The following GPC5 variants were observed in gnomAD, a reference collection of about 807,000 sequenced individuals.
GPC5 encodes glypican 5, also known as glypican-5.
In GPC5, 47 loss-of-function variants were observed where a neutral mutation model predicts 53.9. That is an observed-to-expected ratio of 0.87 (90% CI 0.69 to 1.11). The LOEUF (loss-of-function observed/expected upper bound fraction) is 1.11. GPC5 is among the 50% of genes most tolerant of loss of function. The probability of loss-of-function intolerance (pLI) is 0.00; values close to 1 mark genes in which losing one functional copy is unlikely to be tolerated. For synonymous variants in GPC5, 286 were observed against 263.3 expected, an observed-to-expected ratio of 1.09 and a Z score of -0.84; for missense variants, 748 against 713.1, an observed-to-expected ratio of 1.05 and a Z score of -0.56.
At chr13:92,628,264 C>CTTTCTTTTTTTTTTTTTT (rs1885115304) in intron 7 of GPC5, among the ~76,000 whole-genome samples, 1 of 45,338 alleles carries the variant, frequency 2.2e-5, no homozygotes, top group Non-Finnish European at 4.3e-5. Flanking sequence ...CTTTTTCTTT[C>CTTTCTTTTTTTTTTTTTT]TTTTTTTTTT....
chr13:92,404,786 T>A (rs1875721234), intron 7 of GPC5, among the ~76,000 whole-genome samples: 1 of 149,764 alleles, frequency 6.7e-6, no homozygotes, highest in African/African-American at 2.5e-5. Flanking sequence ...CCGAGATAGC[T>A]CAACAGAAGG....
chr13:92,826,022 C>T (rs1877836573), intron 7 of GPC5, among the ~76,000 whole-genome samples: 1 of 152,072 alleles, frequency 6.6e-6, no homozygotes, highest in Non-Finnish European at 1.5e-5. Context: ...GACAATGCTC[C>T]AGTGAATATT....
At chr13:91,858,130 A>G (rs907974679) in intron 5 of GPC5, among the ~76,000 whole-genome samples, 4 of 151,594 alleles carry the variant, frequency 2.6e-5, no homozygotes, top group African/African-American at 9.7e-5. Context: ...TTTATTTCCA[A>G]TTTGCATGTC....
intron 2 of GPC5, among the ~76,000 whole-genome samples, chr13:91,532,965 T>C (rs1014518126): frequency 6.6e-6 from 1 of 152,206 alleles, no homozygotes; most frequent in African/African-American, 2.4e-5. Flanking sequence ...GTTCTCATTG[T>C]AAATTCAGTT....
chr13:92,201,954 G>A (rs1459294560), intron 7 of GPC5, among the ~76,000 whole-genome samples: 1 of 152,120 alleles, frequency 6.6e-6, no homozygotes, highest in Non-Finnish European at 1.5e-5. Flanking sequence ...TGTTACAATA[G>A]TAATCAGATT....
intron 7 of GPC5, chr13:92,705,864 T>C (rs1228358949): frequency 6.6e-6 from 1 of 151,646 alleles, no homozygotes; most frequent in Non-Finnish European, 1.5e-5. Context: ...GGCAGGAGGA[T>C]TGGTTGAGCT....
chr13:92,718,376 G>T (rs1888399992), intron 7 of GPC5, among the ~76,000 whole-genome samples: 1 of 152,144 alleles, frequency 6.6e-6, no homozygotes, highest in South Asian at 2.1e-4. Flanking sequence ...GCCACAAAAA[G>T]AATGAGATCC....
rs1433899218 is a variant in GPC5 at position 92,644,147 on chromosome 13, A to G, written c.1562-222135A>G. Among the ~76,000 whole-genome samples, 8 of 152,162 alleles carry G rather than the reference A, an allele frequency of 5.3e-5. No individual in the cohort carries two copies. The East Asian group carries it at 7.7e-4, about 15-fold the overall frequency. On this transcript the variant is annotated intron_variant, in intron 7 of 7. Transcript: ENST00000377067. ...AAGTGTGCACTGAAAGCTTGAAGCA[A>G]TCTCATCTAGTGTTTAAGAAGAAGG...
chr13:92,532,990 A>G (rs2138990240), intron 7 of GPC5, among the ~76,000 whole-genome samples: 1 of 152,308 alleles, frequency 6.6e-6, no homozygotes, highest in Middle Eastern at 3.4e-3. Context: ...AATCCTTTCT[A>G]TATGACAGTC....
intron 6 of GPC5, among the ~76,000 whole-genome samples, chr13:91,945,374 C>T (rs1257971672): frequency 1.3e-5 from 2 of 152,154 alleles, no homozygotes; most frequent in Non-Finnish European, 2.9e-5. Context: ...CTTCCCCATG[C>T]TCTTGTATTT....
chr13:92,592,868 C>T (rs778822761), intron 7 of GPC5, among the ~76,000 whole-genome samples: 14 of 150,624 alleles, frequency 9.3e-5, no homozygotes, highest in Non-Finnish European at 1.5e-4. Context: ...GAGGGATGGG[C>T]GATGTGCATG....
At chr13:91,918,211 C>G (rs1400213677) in intron 6 of GPC5, among the ~76,000 whole-genome samples, 2 of 152,188 alleles carry the variant, frequency 1.3e-5, no homozygotes, top group African/African-American at 2.4e-5. Flanking sequence ...GACTCACTCA[C>G]TATCACAAGA....
chr13:91,904,796 A>G (rs2039536053), intron 5 of GPC5, among the ~76,000 whole-genome samples: 1 of 152,054 alleles, frequency 6.6e-6, no homozygotes, highest in African/African-American at 2.4e-5. Flanking sequence ...TAGAGTGAAG[A>G]AAAGAGGAAA....
chr13:91,794,146 T>C (rs1184351313), intron 5 of GPC5, among the ~76,000 whole-genome samples: 2 of 152,196 alleles, frequency 1.3e-5, no homozygotes, highest in Admixed American at 6.5e-5. Context: ...TGCCTTCTGA[T>C]CCATTTTCCT....
At chr13:91,770,996 C>A (rs2037614612) in intron 5 of GPC5, among the ~76,000 whole-genome samples, 1 of 152,134 alleles carries the variant, frequency 6.6e-6, no homozygotes, top group South Asian at 2.1e-4. Flanking sequence ...TATAAATCTT[C>A]TTTGCAGAGA....
At chr13:92,334,794 TA>T (rs1291878025) in intron 7 of GPC5, among the ~76,000 whole-genome samples, 3 of 152,146 alleles carry the variant, frequency 2.0e-5, no homozygotes, top group Admixed American at 6.5e-5. Context: ...CATTAAACCT[TA>T]AAGTTCCAAA....
At chr13:92,411,245 G>C (rs1876030222) in intron 7 of GPC5, among the ~76,000 whole-genome samples, 1 of 152,134 alleles carries the variant, frequency 6.6e-6, no homozygotes, top group African/African-American at 2.4e-5. Context: ...ACTCCAGCCT[G>C]GGTGACATAG....
At chr13:92,530,276 C>T (rs1478273652) in intron 7 of GPC5, among the ~76,000 whole-genome samples, 7 of 151,980 alleles carry the variant, frequency 4.6e-5, no homozygotes, top group Non-Finnish European at 8.8e-5. Flanking sequence ...TTTTTCATCA[C>T]GCATTAGTTC....
At chr13:92,573,847 A>G (rs774333529) in intron 7 of GPC5, among the ~76,000 whole-genome samples, 1 of 152,170 alleles carries the variant, frequency 6.6e-6, no homozygotes, top group Non-Finnish European at 1.5e-5. Flanking sequence ...CAATGTCTTC[A>G]TACCTGCCCA....
Sources: gnomAD v4.1 joint callset for allele counts (sites outside exome capture counted in the v4.1 genomes callset) on GRCh38, gnomAD v4.1.1 for gene constraint, MANE v1.5 for transcripts, NCBI Gene and HGNC (gene_info 2026-07-23, HGNC 2026-07-21) for gene names.